Variants in MAPK8IP3 observed in about 807,000 individuals in gnomAD.
MAPK8IP3 encodes C-Jun-amino-terminal kinase-interacting protein 3.
In MAPK8IP3, 49 loss-of-function variants were observed where a neutral mutation model predicts 157.8. The ratio of observed to expected loss-of-function variants is 0.31; its 90% CI spans 0.25 to 0.39. MAPK8IP3 has a LOEUF of 0.39. Among genes scored for constraint, MAPK8IP3 ranks in the 10% least tolerant of loss-of-function variants. The pLI, the probability that MAPK8IP3 is intolerant of heterozygous loss-of-function variation, is 1.00. For missense variants in MAPK8IP3, 1,478 were observed against 1,889.4 expected, an observed-to-expected ratio of 0.78 and a Z score of 4.04; for synonymous variants, 897 against 777.7, an observed-to-expected ratio of 1.15 and a Z score of -2.55.
chr16:1,712,457 G>T (rs570913022), intron 1 of MAPK8IP3, among the ~76,000 whole-genome samples: 1 of 152,100 alleles, frequency 6.6e-6, no homozygotes, highest in South Asian at 2.1e-4. Context: ...CACTCCCACC[G>T]CCGCCACTTT....
At position 1,760,480 on chromosome 16, in the gene MAPK8IP3, G is replaced by A; in HGVS notation, c.1405G>A (p.Ala469Thr). The A allele has an allele frequency of 1.2e-6, 2 of 1,613,924 alleles. No individual in the cohort carries two copies. The highest frequency in any genetic ancestry group is 8.5e-7 in the Non-Finnish European group (1 of 1,179,884). ...LRGELEAAKQ[A>T]KVKLENRIKE... is the part of the protein sequence containing the mutation. ...GGGCGAGTTGGAGGCTGCTAAGCAGGCCAAAGTCAAGCTGGAAAACCGTAT... is the reference window on the plus strand; with the variant it reads ...GGGCGAGTTGGAGGCTGCTAAGCAGACCAAAGTCAAGCTGGAAAACCGTAT... Residue 469 changes from alanine to threonine, a missense_variant, in exon 12 of 32, where the codon GCC (alanine) becomes ACC (threonine). By Grantham distance (58) the Ala-to-Thr change is moderately conservative. Coordinates refer to ENST00000610761, the MANE Select transcript of MAPK8IP3 (RefSeq NM_001318852.2).
Position 1,724,302 on chromosome 16 carries a change from G to A in MAPK8IP3, c.319-255G>A, listed in dbSNP as rs568308277. Among the ~76,000 whole-genome samples the A allele has an allele frequency of 6.6e-6, 1 of 152,244 alleles. No individual in the cohort carries two copies. The highest frequency in any genetic ancestry group is 1.5e-5 in the Non-Finnish European group (1 of 68,044). ...GGCTCCCTTCACAGCAAATCCTCCCGGGAGAGGAGGGTGCAATCATGCAGT... is the reference window on the plus strand; with the variant it reads ...GGCTCCCTTCACAGCAAATCCTCCCAGGAGAGGAGGGTGCAATCATGCAGT... On this transcript the variant is annotated intron_variant, in intron 1 of 31. Coordinates refer to ENST00000610761, the MANE Select transcript of MAPK8IP3 (RefSeq NM_001318852.2). The surrounding 1 kb of genome is among the most constrained non-coding windows in gnomAD (Gnocchi z 4.1).
intron 1 of MAPK8IP3, among the ~76,000 whole-genome samples, chr16:1,721,946 T>C (rs2038554515): frequency 6.6e-6 from 1 of 151,608 alleles, no homozygotes; most frequent in Non-Finnish European, 1.5e-5. Context: ...ATTTTTTTTA[T>C]TTTTAGTAGA....
At chr16:1,757,416 T>C (rs1000760894) in intron 8 of MAPK8IP3, among the ~76,000 whole-genome samples, 1 of 152,186 alleles carries the variant, frequency 6.6e-6, no homozygotes, top group Admixed American at 6.5e-5. Context: ...AGTGACTTTT[T>C]AATGCCATTT....
At position 1,760,102 on chromosome 16, in the gene MAPK8IP3, G is replaced by A; in HGVS notation, c.1304+87G>A. 4 of 1,450,652 alleles carry A rather than the reference G, an allele frequency of 2.8e-6. No individual in the cohort carries two copies. In the South Asian group the frequency reaches 3.4e-5, roughly 12 times the overall value. The allele number at this position is 1,450,652 out of a possible 1,614,324, so 89.9% of individuals were successfully genotyped here. A position where few individuals can be genotyped will look rare whatever the true frequency, so the allele number is the denominator to read the frequency against. The stretch of plus-strand genomic sequence containing the variant: ...AGTGAGCCGGGCCAGAGGGCGCCTT[G>A]GGGAGCACCTGGCTCCAACGCCAGC... On this transcript the variant is annotated intron_variant, in intron 11 of 31. Transcript: ENST00000610761.
chr16:1,720,398 A>C (rs1032379936), intron 1 of MAPK8IP3, among the ~76,000 whole-genome samples: 2 of 152,190 alleles, frequency 1.3e-5, no homozygotes, highest in Non-Finnish European at 2.9e-5. Context: ...TAATGGATTG[A>C]GCAAACTGTG....
Position 1,764,144 on chromosome 16 carries a change from G to A in MAPK8IP3, c.2055G>A (p.Thr685=), listed in dbSNP as rs376949063. ...GTCCCAACGGGGGCCAGGAGGACAC[G>A]CGGATGAAGAACGTGCCGGTGCCGG... is the stretch of plus-strand genomic sequence containing the variant. ...QLSPNGGQED[T]RMKNVPVPVY... is the part of the protein sequence containing the mutation. Residue 685 remains threonine (T), a synonymous_variant, in exon 18 of 32, where the codon ACG becomes ACA. Coordinates refer to ENST00000610761, the MANE Select transcript of MAPK8IP3 (RefSeq NM_001318852.2). The A allele has an allele frequency of 1.9e-6, 3 of 1,611,342 alleles. No homozygotes were observed. The highest frequency in any genetic ancestry group is 3.4e-4 in the Middle Eastern group (2 of 5,888).
chr16:1,738,882 T>C (rs1034395573), intron 4 of MAPK8IP3, among the ~76,000 whole-genome samples: 1 of 134,578 alleles, frequency 7.4e-6, no homozygotes, highest in Admixed American at 7.6e-5. Flanking sequence ...TGACCATCCA[T>C]GTGAGCATCT....
chr16:1,759,838 C>G, intron 10 of MAPK8IP3, 120 bp from the exon 11 acceptor site: 8 of 843,036 alleles, frequency 9.5e-6, no homozygotes, highest in Middle Eastern at 2.8e-4. Context: ...CCCTGTAGAT[C>G]GGGCGTCATC....
intron 8 of MAPK8IP3, among the ~76,000 whole-genome samples, chr16:1,756,682 C>T (rs1043100464): frequency 1.3e-5 from 2 of 149,066 alleles, no homozygotes; most frequent in African/African-American, 5.0e-5. Context: ...ATTAGCCGGG[C>T]GTGGTGGCAT....
chr16:1,706,747 C>T lies in MAPK8IP3; in HGVS notation c.318+90C>T, dbSNP rs2037412572. 7.4e-7 allele frequency: 1 copy of T among 1,355,754 alleles called. No individual in the cohort carries two copies. Among genetic ancestry groups the T allele is most frequent in the East Asian group, 2.6e-5 (1 of 37,848 alleles). 84.0% of individuals were successfully genotyped at this position (1,355,754 alleles called of 1,614,324 possible). A position where few individuals can be genotyped will look rare whatever the true frequency, so the allele number is the denominator to read the frequency against. Reference sequence around the variant, plus strand: ...ACCCAACACCCGTCCCGACCCCAGACCCCGCTCCGGCACCCCGGACCGCGG... The same window carrying T: ...ACCCAACACCCGTCCCGACCCCAGATCCCGCTCCGGCACCCCGGACCGCGG... On this transcript the variant is annotated intron_variant, in intron 1 of 31. Coordinates refer to ENST00000610761, the MANE Select transcript of MAPK8IP3 (RefSeq NM_001318852.2). The surrounding 1 kb of genome is among the most constrained non-coding windows in gnomAD (Gnocchi z 5.1).
At chr16:1,736,764 G>T (rs566071056) in intron 4 of MAPK8IP3, among the ~76,000 whole-genome samples, 1 of 78,470 alleles carries the variant, frequency 1.3e-5, no homozygotes, top group South Asian at 6.9e-4. Flanking sequence ...GCATCCGTGT[G>T]ACCGTCTGTG....
Position 1,748,665 on chromosome 16 carries a change from G to T in MAPK8IP3, c.1161G>T (p.Leu387=), listed in dbSNP as rs2041113956. 1 of 1,614,122 alleles carries T rather than the reference G, an allele frequency of 6.2e-7. No homozygotes were observed. Among genetic ancestry groups the T allele is most frequent in the African/African-American group, 1.3e-5 (1 of 74,956 alleles). ...ACACCGACTCCCTGTACCATGAGCT[G>T]TCGACGGCAGGGTCTGAGGTCATCG... ...GINTDSLYHE[L]STAGSEVIGD... is the part of the protein sequence containing the mutation. The change falls in exon 8 of 32, where the codon CTG becomes CTT. Residue 387 remains leucine (L), a synonymous_variant. Coordinates refer to ENST00000610761, the MANE Select transcript of MAPK8IP3 (RefSeq NM_001318852.2).
chr16:1,764,378 G>T lies in MAPK8IP3; in HGVS notation c.2199G>T (p.Ala733=), dbSNP rs777150890. 1.9e-6 allele frequency: 3 copies of T among 1,591,598 alleles called. No homozygotes were observed. Among genetic ancestry groups the T allele is most frequent in the South Asian group, 2.3e-5 (2 of 88,232 alleles). ...ACGCTGGGAATGGAGTCAAGCCAGC[G>T]CCAGGCCGCGATCCCCTGACCTGCG... is the stretch of plus-strand genomic sequence containing the variant. ...EDDAGNGVKP[A]PGRDPLTCDR... is the part of the protein sequence containing the mutation. The change falls in exon 19 of 32, where the codon GCG becomes GCT. Residue 733 remains alanine, a synonymous_variant. Transcript: ENST00000610761.
At position 1,742,494 on chromosome 16, in the gene MAPK8IP3, G is replaced by A. The variant is rs150394507; in HGVS notation, c.603-838G>A. Among the ~76,000 whole-genome samples the A allele has an allele frequency of 1.8e-4, 28 of 152,302 alleles. No homozygotes were observed. The East Asian group carries it at 3.7e-3, about 20-fold the overall frequency. ...AAGACGCCCCTCAGGCTCAGGCTCC[G>A]GCTGCAGCAGATGAGACGGGGTCAG... On this transcript the variant is annotated intron_variant, in intron 4 of 31. Transcript: ENST00000610761. The surrounding 1 kb of genome is among the most constrained non-coding windows in gnomAD (Gnocchi z 5.0).
intron 2 of MAPK8IP3, among the ~76,000 whole-genome samples, chr16:1,725,085 G>A (rs1473756953): frequency 4.6e-5 from 7 of 152,002 alleles, no homozygotes; most frequent in Admixed American, 3.3e-4. Context: ...AAGTGACAGC[G>A]CCTAGGTGGG....
chr16:1,753,760 G>T (rs536834015), intron 8 of MAPK8IP3, among the ~76,000 whole-genome samples: 3 of 151,390 alleles, frequency 2.0e-5, no homozygotes, highest in Admixed American at 1.3e-4. Flanking sequence ...ATTATTTTAG[G>T]AATCTTCAAG....
intron 7 of MAPK8IP3, 101 bp from the exon 8 acceptor site, chr16:1,748,501 T>G (rs369875593): frequency 1.7e-6 from 2 of 1,170,422 alleles, no homozygotes; most frequent in Non-Finnish European, 2.5e-6. Context: ...AGTGTGGGCA[T>G]TGAATGGCCA....
At chr16:1,708,620 G>C (rs528904340) in intron 1 of MAPK8IP3, among the ~76,000 whole-genome samples, 1 of 152,304 alleles carries the variant, frequency 6.6e-6, no homozygotes, top group South Asian at 2.1e-4. Context: ...CTCCCCCAGG[G>C]CTCCTGCTGA....
Sources: gnomAD v4.1 joint callset for allele counts (sites outside exome capture counted in the v4.1 genomes callset) on GRCh38, gnomAD v4.1.1 for gene constraint, Gnocchi (gnomAD v3.1) non-coding constraint, MANE v1.5 for transcripts, NCBI Gene and HGNC (gene_info 2026-07-23, HGNC 2026-07-21) for gene names.